The following DMRT3 variants were observed in gnomAD, a reference collection of about 807,000 sequenced individuals.
DMRT3 encodes doublesex and mab-3 related transcription factor 3, also known as doublesex- and mab-3-related transcription factor 3.
In DMRT3, 29 loss-of-function variants were observed where a neutral mutation model predicts 34.9. The observed-to-expected ratio is 0.83, with a 90% confidence interval of 0.62 to 1.13. DMRT3 has a LOEUF of 1.13. DMRT3 is among the 50% of genes most tolerant of loss of function. The pLI is 0.00. For missense variants in DMRT3, 772 were observed against 629.1 expected, an observed-to-expected ratio of 1.23 and a Z score of -2.43; for synonymous variants, 350 against 286.0, an observed-to-expected ratio of 1.22 and a Z score of -2.26.
rs750886021 is a variant in DMRT3 at position 990,933 on chromosome 9, C to T, written c.1347C>T (p.Ser449=). 6.2e-7 allele frequency: 1 copy of T among 1,614,064 alleles called. No individual in the cohort carries two copies. Among genetic ancestry groups the T allele is most frequent in the South Asian group, 1.1e-5 (1 of 91,078 alleles). ...DDGCPFVSKQ[S]IYTEDDYDER... ...GGTGTCCATTTGTGTCAAAGCAGTC[C>T]ATTTACACCGAGGACGACTATGACG... The change falls in exon 2 of 2, where the codon TCC becomes TCT. Residue 449 remains serine (S), a synonymous_variant. Coordinates refer to ENST00000190165, the MANE Select transcript of DMRT3 (RefSeq NM_021240.4).
At chr9:988,105 A>G (rs1563689723) in intron 1 of DMRT3, among the ~76,000 whole-genome samples, 1 of 152,190 alleles carries the variant, frequency 6.6e-6, no homozygotes, top group African/African-American at 2.4e-5. Flanking sequence ...CCATCCTAAG[A>G]AGTTGTAGGA....
Position 990,690 on chromosome 9 carries a change from C to T in DMRT3, c.1104C>T (p.Tyr368=). The T allele has an allele frequency of 6.2e-7, 1 of 1,614,152 alleles. No individual in the cohort carries two copies. Among genetic ancestry groups the T allele is most frequent in the Non-Finnish European group, 8.5e-7 (1 of 1,180,034 alleles). Residue 368 remains tyrosine, a synonymous_variant, in exon 2 of 2, where the codon TAC becomes TAT. Coordinates refer to ENST00000190165, the MANE Select transcript of DMRT3 (RefSeq NM_021240.4). ...CCCCTTTCCCCCAGCCACCCCGGTA[C>T]CCGCTGATGCTGAGGAATACTTTGG... is the stretch of plus-strand genomic sequence containing the variant. The part of the protein sequence containing the change: ...LQPPFPQPPR[Y]PLMLRNTLAR...
intron 1 of DMRT3, among the ~76,000 whole-genome samples, chr9:981,197 G>T (rs1820216160): frequency 6.6e-6 from 1 of 151,978 alleles, no homozygotes; most frequent in Admixed American, 6.6e-5. Flanking sequence ...GCGCCTCCTA[G>T]CATCTTTATG....
chr9:984,511 A>C (rs544502554), intron 1 of DMRT3, among the ~76,000 whole-genome samples: 21 of 150,976 alleles, frequency 1.4e-4, no homozygotes, highest in African/African-American at 5.1e-4. Flanking sequence ...GCTGGAGTGC[A>C]GTGGTGAGAT....
chr9:986,720 G>A (rs976828032), intron 1 of DMRT3, among the ~76,000 whole-genome samples: 2 of 151,902 alleles, frequency 1.3e-5, no homozygotes, highest in Non-Finnish European at 2.9e-5. Context: ...GTGAAACCCT[G>A]TCTCTACTAC....
intron 1 of DMRT3, among the ~76,000 whole-genome samples, chr9:983,912 T>G (rs1463466953): frequency 1.3e-5 from 2 of 151,836 alleles, no homozygotes; most frequent in African/African-American, 4.8e-5. Context: ...TGGCTAGTTT[T>G]TTTTTTTTTT....
At position 989,916 on chromosome 9, in the gene DMRT3, G is replaced by C. The variant is rs1489452993; in HGVS notation, c.455-125G>C. 2.4e-6 allele frequency: 3 copies of C among 1,258,398 alleles called. No homozygotes were observed. In the East Asian group the frequency reaches 7.1e-5, roughly 30 times the overall value. 78.0% of individuals were successfully genotyped at this position (1,258,398 alleles called of 1,614,324 possible). On this transcript the variant is annotated intron_variant, in intron 1 of 1. Coordinates refer to ENST00000190165, the MANE Select transcript of DMRT3 (RefSeq NM_021240.4). ...TCGAATTTTTTTAAAAAGGCTTGTA[G>C]TATATTATGACCCATTGAGATGCAT...
At chr9:979,005 T>C (rs1820185067) in intron 1 of DMRT3, among the ~76,000 whole-genome samples, 1 of 152,220 alleles carries the variant, frequency 6.6e-6, no homozygotes, top group South Asian at 2.1e-4. Flanking sequence ...ATTGGATTTG[T>C]ACCAATATAT....
Position 977,047 on chromosome 9 carries a change from T to G in DMRT3, c.46T>G (p.Ser16Ala). ...CTACCTGTACATGGGCGGCCCGGTGTCGCAGCCGCCACGGGCGCCCCTGCA... is the reference window on the plus strand; with the variant it reads ...CTACCTGTACATGGGCGGCCCGGTGGCGCAGCCGCCACGGGCGCCCCTGCA... ...SPYLYMGGPVSQPPRAPLQRT... is the reference protein window; with the variant it reads ...SPYLYMGGPVAQPPRAPLQRT... The change falls in exon 1 of 2, where the codon TCG (serine) becomes GCG (alanine). Residue 16 changes from serine (S) to alanine (A), a missense_variant. Transcript: ENST00000190165. The G allele has an allele frequency of 6.4e-7, 1 of 1,566,954 alleles. No homozygotes were observed. Among genetic ancestry groups the G allele is most frequent in the Non-Finnish European group, 8.6e-7 (1 of 1,158,258 alleles).
At chr9:989,943 T>C (rs6477419) in intron 1 of DMRT3, 98 bp from the exon 2 acceptor site, 368,966 of 1,480,712 alleles carry the variant, frequency 0.25, 47,780 homozygotes, top group East Asian at 0.29. Context: ...GAGATGCATT[T>C]GCTCTTCCAA....
At chr9:984,313 C>G (rs1367022331) in intron 1 of DMRT3, among the ~76,000 whole-genome samples, 1 of 152,100 alleles carries the variant, frequency 6.6e-6, no homozygotes, top group Non-Finnish European at 1.5e-5. Flanking sequence ...ATGGGGGAGT[C>G]CAGTGACTTT....
At position 976,963 on chromosome 9, in the gene DMRT3, C is replaced by G. The variant is rs1474323874; in HGVS notation, c.-39C>G. 9 of 1,433,712 alleles carry G rather than the reference C, an allele frequency of 6.3e-6. No homozygotes were observed. Among genetic ancestry groups the G allele is most frequent in the Middle Eastern group, 2.6e-4 (1 of 3,870 alleles). The allele number at this position is 1,433,712 out of a possible 1,614,324, so 88.8% of individuals were successfully genotyped here. ...GCCGTCCAGCGCTCCCTGGCCCTCT[C>G]CCGCAGCCAGGCTGCCAACTCATTC... On this transcript the variant is annotated 5_prime_UTR_variant, in exon 1 of 2. Coordinates refer to ENST00000190165, the MANE Select transcript of DMRT3 (RefSeq NM_021240.4). The surrounding 1 kb of genome is among the most constrained non-coding windows in gnomAD (Gnocchi z 4.5).
chr9:979,527 AC>A (rs1246260591), intron 1 of DMRT3, among the ~76,000 whole-genome samples: 2 of 151,288 alleles, frequency 1.3e-5, no homozygotes, highest in Non-Finnish European at 2.9e-5. Flanking sequence ...GGTCACCCCC[AC>A]CCCCCCATAC....
In DMRT3 at chr9:976,658, G is replaced by A. The variant is rs1383968750; in HGVS notation, c.-344G>A. On this transcript the variant is annotated 5_prime_UTR_variant, in exon 1 of 2. Transcript: ENST00000190165. This position sits in a 1 kb window ranked among gnomAD's most constrained non-coding sequence, Gnocchi z 4.5. ...CCGGCCGGCTCACGAGGGAGCTGCAGAAGAGCTGGCTCAGACCTTAATCAG... is the reference window on the plus strand; with the variant it reads ...CCGGCCGGCTCACGAGGGAGCTGCAAAAGAGCTGGCTCAGACCTTAATCAG... 6.6e-6 allele frequency among the ~76,000 whole-genome samples: 1 copy of A among 152,220 alleles called. No individual in the cohort carries two copies. The highest frequency in any genetic ancestry group is 1.5e-5 in the Non-Finnish European group (1 of 68,028).
At chr9:981,904 T>G (rs892379019) in intron 1 of DMRT3, among the ~76,000 whole-genome samples, 2 of 152,130 alleles carry the variant, frequency 1.3e-5, no homozygotes, top group African/African-American at 4.8e-5. Context: ...GCCACATCCC[T>G]TGCCTTTCCC....
chr9:991,278 G>T lies in DMRT3; in HGVS notation c.*273G>T, dbSNP rs550150715. ...GAATAGTCTTGGGAAGGCTGGGTCC[G>T]TGGAAGATTTATTTGGGGATGTAAA... On this transcript the variant is annotated 3_prime_UTR_variant, in exon 2 of 2. Coordinates refer to ENST00000190165, the MANE Select transcript of DMRT3 (RefSeq NM_021240.4). 3.3e-6 allele frequency: 1 copy of T among 303,852 alleles called. No homozygotes were observed. Among genetic ancestry groups the T allele is most frequent in the African/African-American group, 2.2e-5 (1 of 46,480 alleles). 18.8% of individuals were successfully genotyped at this position (303,852 alleles called of 1,614,324 possible). A position where few individuals can be genotyped will look rare whatever the true frequency, so the allele number is the denominator to read the frequency against.
At position 990,026 on chromosome 9, in the gene DMRT3, T is replaced by C. The variant is rs1820332874; in HGVS notation, c.455-15T>C. 1 of 1,613,180 alleles carries C rather than the reference T, an allele frequency of 6.2e-7. No homozygotes were observed. The highest frequency in any genetic ancestry group is 1.3e-5 in the African/African-American group (1 of 75,036). On this transcript the variant is annotated splice_polypyrimidine_tract_variant and intron_variant, in intron 1 of 1. Transcript: ENST00000190165. ...CACACCAGGAAAAGATTAACTCAGC[T>C]GTTCTGTTTTCCAGATTTGACTGAA...
intron 1 of DMRT3, 50 bp downstream of exon 1, chr9:977,505 G>T (rs575883240): frequency 1.6e-6 from 2 of 1,242,938 alleles, no homozygotes; most frequent in Non-Finnish European, 2.0e-6. Context: ...GGGCAACTTC[G>T]GAGTGCCAGC....
chr9:981,931 C>CTACCA (rs1333669623), intron 1 of DMRT3, among the ~76,000 whole-genome samples: 2 of 152,312 alleles, frequency 1.3e-5, no homozygotes, highest in Admixed American at 1.3e-4. Flanking sequence ...AGCTCTTGGG[C>CTACCA]CACCACTCCC....
Sources: allele counts gnomAD v4.1 joint callset (sites outside exome capture counted in the v4.1 genomes callset), GRCh38; gene constraint gnomAD v4.1.1; non-coding constraint Gnocchi (gnomAD v3.1); transcripts MANE v1.5; gene names NCBI Gene and HGNC (gene_info 2026-07-23, HGNC 2026-07-21).